Variants in NARS2 observed in about 807,000 individuals in gnomAD.
NARS2 encodes the protein asparaginyl-tRNA synthetase.
A neutral mutation model predicts 62.9 loss-of-function variants in NARS2; 60 were observed. That is an observed-to-expected ratio of 0.95 (90% CI 0.77 to 1.18). The LOEUF is 1.18. Among genes scored for constraint, NARS2 ranks in the 50% most tolerant of loss-of-function variants. The pLI, the probability that NARS2 is intolerant of heterozygous loss-of-function variation, is 0.00. For synonymous variants in NARS2, 196 were observed against 200.0 expected, an observed-to-expected ratio of 0.98 and a Z score of 0.17; for missense variants, 619 against 576.4, an observed-to-expected ratio of 1.07 and a Z score of -0.76.
At position 78,469,236 on chromosome 11, in the gene NARS2, CA is replaced by C. The variant is rs1555015571; in HGVS notation, c.1026+10del. ...TCACACACACATATATACATACACACAAAATACTACCTCTGGGGTAAAGGTG... is the reference window on the plus strand; with the variant it reads ...TCACACACACATATATACATACACACAAATACTACCTCTGGGGTAAAGGTG... On this transcript the variant is annotated intron_variant, in intron 10 of 13. Coordinates refer to ENST00000281038, the MANE Select transcript of NARS2 (RefSeq NM_024678.6). 6.3e-7 allele frequency: 1 copy of C among 1,588,238 alleles called. No individual in the cohort carries two copies. The highest frequency in any genetic ancestry group is 8.6e-7 in the Non-Finnish European group (1 of 1,156,524).
chr11:78,515,712 A>AGAGG (rs1860884248), intron 6 of NARS2, among the ~76,000 whole-genome samples: 1 of 151,798 alleles, frequency 6.6e-6, no homozygotes, highest in Non-Finnish European at 1.5e-5. Flanking sequence ...AAACAATTTA[A>AGAGG]GAGGGAGTCT....
At chr11:78,465,763 T>C (rs1199585975) in intron 11 of NARS2, 113 bp downstream of exon 11, 21 of 1,218,516 alleles carry the variant, frequency 1.7e-5, no homozygotes, top group Non-Finnish European at 2.4e-5. Context: ...TTGAAAAACA[T>C]TATCATTTTA....
At position 78,566,205 on chromosome 11, in the gene NARS2, C is replaced by T. The variant is rs985669077; in HGVS notation, c.440G>A (p.Cys147Tyr). 2.5e-6 allele frequency: 4 copies of T among 1,612,534 alleles called. No homozygotes were observed. Among genetic ancestry groups the T allele is most frequent in the African/African-American group, 2.7e-5 (2 of 74,900 alleles). Residue 147 changes from cysteine (C) to tyrosine (Y), a missense_variant, in exon 4 of 14, where the codon TGT becomes TAT. Physicochemically the swap from Cys to Tyr is radical, Grantham distance 194. Transcript: ENST00000281038. ...EYLRQYPHFRCRTNVLGSILR... is the reference protein window; with the variant it reads ...EYLRQYPHFRYRTNVLGSILR... ...TATAGAACCCAGAACGTTAGTCCTA[C>T]ACCTAAAGTGAGGATATTGTCGCAG...
chr11:78,487,411 A>C lies in NARS2; in HGVS notation c.822+5652T>G, dbSNP rs180747068. On this transcript the variant is annotated intron_variant, in intron 7 of 13. Transcript: ENST00000281038. ...AGAGAGAGAGAGAAAGAAAGAAAGA[A>C]AGACAGACAGACAGACTCGTTAATA... is the stretch of plus-strand genomic sequence containing the variant. 9.7e-4 allele frequency among the ~76,000 whole-genome samples: 148 copies of C among 151,962 alleles called. 1 individual carries two copies. Among genetic ancestry groups the C allele is most frequent in the South Asian group, 4.6e-3 (22 of 4,808 alleles).
intron 6 of NARS2, 70 bp from the exon 7 acceptor site, chr11:78,493,265 G>A: frequency 6.9e-7 from 1 of 1,450,842 alleles, no homozygotes; most frequent in Non-Finnish European, 9.4e-7. Flanking sequence ...AATATTCAGT[G>A]AGCTCTTACG....
intron 5 of NARS2, among the ~76,000 whole-genome samples, chr11:78,538,564 T>C (rs1320506680): frequency 2.0e-5 from 3 of 152,126 alleles, no homozygotes; most frequent in Non-Finnish European, 4.4e-5. Context: ...GTATCTGCTA[T>C]ACTATAAACT....
At chr11:78,562,329 C>G (rs1327799181) in intron 4 of NARS2, among the ~76,000 whole-genome samples, 6 of 152,024 alleles carry the variant, frequency 3.9e-5, no homozygotes, top group Non-Finnish European at 8.8e-5. Flanking sequence ...ACTTGGGAGG[C>G]TGAGGTAGGA....
At chr11:78,536,454 C>A (rs553859820) in intron 5 of NARS2, among the ~76,000 whole-genome samples, 2 of 152,092 alleles carry the variant, frequency 1.3e-5, no homozygotes, top group African/African-American at 4.8e-5. Flanking sequence ...TGGAAGACAG[C>A]GATTCCACCT....
At chr11:78,437,861 G>C (rs1479337482) in intron 13 of NARS2, among the ~76,000 whole-genome samples, 1 of 151,524 alleles carries the variant, frequency 6.6e-6, no homozygotes, top group Non-Finnish European at 1.5e-5. Flanking sequence ...TGTAATCCCA[G>C]CTACTCAGGA....
intron 7 of NARS2, among the ~76,000 whole-genome samples, chr11:78,492,847 G>T (rs1394216033): frequency 6.6e-6 from 1 of 152,162 alleles, no homozygotes; most frequent in African/African-American, 2.4e-5. Flanking sequence ...GAACTTCATA[G>T]CAAAGCTAAT....
chr11:78,566,949 T>C (rs1856764351), intron 3 of NARS2, among the ~76,000 whole-genome samples: 1 of 93,422 alleles, frequency 1.1e-5, no homozygotes, highest in South Asian at 3.6e-4. Context: ...TGGCAGCCTG[T>C]TTCTTTCAGT....
At chr11:78,563,873 T>TACACAC (rs71046984) in intron 4 of NARS2, among the ~76,000 whole-genome samples, 7 of 96,334 alleles carry the variant, frequency 7.3e-5, no homozygotes, top group Non-Finnish European at 7.5e-5. Flanking sequence ...TATATATGTA[T>TACACAC]ACACACACAC....
intron 11 of NARS2, among the ~76,000 whole-genome samples, chr11:78,444,200 C>T (rs936730292): frequency 5.9e-5 from 9 of 152,098 alleles, no homozygotes; most frequent in Middle Eastern, 3.4e-3. Flanking sequence ...GTTTTAATAG[C>T]TTTAATGTTT....
At chr11:78,566,499 C>T (rs1856750890) in intron 3 of NARS2, among the ~76,000 whole-genome samples, 1 of 152,170 alleles carries the variant, frequency 6.6e-6, no homozygotes, top group Admixed American at 6.5e-5. Flanking sequence ...TACTTATTAG[C>T]CAAGTAACTG....
rs997669840 is a variant in NARS2 at position 78,458,856 on chromosome 11, T to C, written c.1164+7020A>G. On this transcript the variant is annotated intron_variant, in intron 11 of 13. Transcript: ENST00000281038. ...GGAGATAACTGAATCATGGGGATAT[T>C]TTCCCCATACTGTTCTTGTGGTAGT... Among the ~76,000 whole-genome samples, 26 of 152,168 alleles carry C rather than the reference T, an allele frequency of 1.7e-4. 1 individual carries two copies. Among genetic ancestry groups the C allele is most frequent in the Non-Finnish European group, 2.9e-5 (2 of 68,022 alleles).
intron 7 of NARS2, among the ~76,000 whole-genome samples, chr11:78,486,168 C>T (rs980730969): frequency 6.6e-6 from 1 of 152,122 alleles, no homozygotes; most frequent in East Asian, 1.9e-4. Flanking sequence ...AGCCACTGCA[C>T]CCAGCCTATT....
rs2135166398 is a variant in NARS2 at position 78,452,016 on chromosome 11, C to T, written c.1165-8258G>A. Among the ~76,000 whole-genome samples the T allele has an allele frequency of 2.0e-5, 3 of 152,310 alleles. No homozygotes were observed. The South Asian group carries it at 6.2e-4, about 32-fold the overall frequency. ...AAATGAGCTGCAAGCTTTTGAACTT[C>T]CTGTTACGAAGTATCCATATCTTTT... On this transcript the variant is annotated intron_variant, in intron 11 of 13. Coordinates refer to ENST00000281038, the MANE Select transcript of NARS2 (RefSeq NM_024678.6).
chr11:78,442,138 TG>T (rs1857595024), intron 12 of NARS2, among the ~76,000 whole-genome samples: 1 of 152,242 alleles, frequency 6.6e-6, no homozygotes, highest in Non-Finnish European at 1.5e-5. Flanking sequence ...AAAGGTTTCC[TG>T]GAGGAAGGAA....
intron 11 of NARS2, among the ~76,000 whole-genome samples, chr11:78,450,334 C>T (rs769001255): frequency 2.0e-5 from 3 of 152,164 alleles, no homozygotes; most frequent in Admixed American, 6.6e-5. Context: ...GCTATTTTCA[C>T]GGGATAAAAA....
Sources: allele counts gnomAD v4.1 joint callset (sites outside exome capture counted in the v4.1 genomes callset), GRCh38; gene constraint gnomAD v4.1.1; transcripts MANE v1.5; gene names NCBI Gene and HGNC (gene_info 2026-07-23, HGNC 2026-07-21).